Variants in SGCZ observed in about 807,000 individuals in gnomAD.
SGCZ encodes the protein zeta-sarcoglycan.
Under a neutral mutation model 41.3 loss-of-function variants are expected in SGCZ, and 40 were observed. That is an observed-to-expected ratio of 0.97 (90% CI 0.75 to 1.26). The LOEUF is 1.26. Ranked by LOEUF, SGCZ falls within the 50% of genes most tolerant of loss-of-function variation. SGCZ has a pLI of 0.00. For missense variants in SGCZ, 552 were observed against 369.8 expected, an observed-to-expected ratio of 1.49 and a Z score of -4.04; for synonymous variants, 206 against 137.5, an observed-to-expected ratio of 1.50 and a Z score of -3.49.
At chr8:14,410,298 A>G (rs930864222) in intron 2 of SGCZ, among the ~76,000 whole-genome samples, 3 of 152,010 alleles carry the variant, frequency 2.0e-5, no homozygotes, top group Non-Finnish European at 4.4e-5. Context: ...GGACTGCTGA[A>G]TTATAAGACA....
At chr8:14,910,683 G>T (rs952475485) in intron 1 of SGCZ, among the ~76,000 whole-genome samples, 3 of 151,682 alleles carry the variant, frequency 2.0e-5, no homozygotes, top group African/African-American at 4.8e-5. Context: ...ATGAGCTATT[G>T]ATTCTTTTAA....
intron 1 of SGCZ, among the ~76,000 whole-genome samples, chr8:15,074,288 G>GA (rs1805454584): frequency 6.6e-6 from 1 of 151,976 alleles, no homozygotes; most frequent in African/African-American, 2.4e-5. Context: ...CTGGCTCTCC[G>GA]AAAAAAAGTC....
intron 2 of SGCZ, among the ~76,000 whole-genome samples, chr8:14,440,253 T>C (rs987143656): frequency 6.6e-6 from 1 of 152,110 alleles, no homozygotes; most frequent in African/African-American, 2.4e-5. Flanking sequence ...AAGAGCTCTA[T>C]TTGACTTGGG....
At chr8:14,126,370 A>G (rs1246435241) in intron 5 of SGCZ, among the ~76,000 whole-genome samples, 3 of 152,348 alleles carry the variant, frequency 2.0e-5, no homozygotes, top group African/African-American at 7.2e-5. Context: ...CAACAAACAT[A>G]TAACGAAAAA....
intron 2 of SGCZ, among the ~76,000 whole-genome samples, chr8:14,489,980 G>T (rs1400574748): frequency 6.6e-6 from 1 of 151,342 alleles, no homozygotes; most frequent in East Asian, 2.0e-4. Context: ...AGATTCTTGT[G>T]CCTCAGCCTC....
chr8:14,536,133 A>G (rs73192309), intron 2 of SGCZ, among the ~76,000 whole-genome samples: 1 of 152,044 alleles, frequency 6.6e-6, no homozygotes, highest in Non-Finnish European at 1.5e-5. Flanking sequence ...TGTTTAGCAT[A>G]TACATATGAA....
chr8:14,282,421 T>A (rs1800478322), intron 3 of SGCZ, among the ~76,000 whole-genome samples: 1 of 152,146 alleles, frequency 6.6e-6, no homozygotes, highest in Non-Finnish European at 1.5e-5. Flanking sequence ...GCAGTAACTA[T>A]CTCTTGATCC....
rs201881681 is a variant in SGCZ at position 14,674,928 on chromosome 8, GTTTTT to G, written c.40-120007_40-120003del. Among the ~76,000 whole-genome samples, 197 of 71,016 alleles carry G rather than the reference GTTTTT, an allele frequency of 2.8e-3. 12 individuals carry two copies. In the East Asian group the frequency reaches 0.042, roughly 15 times the overall value. 46.6% of individuals were successfully genotyped at this position (71,016 alleles called of 152,430 possible). A position where few individuals can be genotyped will look rare whatever the true frequency, so the allele number is the denominator to read the frequency against. On this transcript the variant is annotated intron_variant, in intron 1 of 7. Transcript: ENST00000382080. ...GCCAATTTAACCTCTTTTCTTTTCT[GTTTTT>G]TTTTTTTTTTTTTTTTTTTTTTTGA...
chr8:14,460,770 G>A (rs1327059711), intron 2 of SGCZ, among the ~76,000 whole-genome samples: 1 of 152,134 alleles, frequency 6.6e-6, no homozygotes, highest in African/African-American at 2.4e-5. Context: ...TAACTTTAGA[G>A]CTAATTGTCA....
At chr8:14,650,194 C>G (rs190460726) in intron 1 of SGCZ, among the ~76,000 whole-genome samples, 1 of 151,940 alleles carries the variant, frequency 6.6e-6, no homozygotes, top group East Asian at 1.9e-4. Context: ...CTGGAGTTAA[C>G]ACTGGATAAC....
At chr8:14,815,222 T>C (rs2130549894) in intron 1 of SGCZ, among the ~76,000 whole-genome samples, 1 of 151,704 alleles carries the variant, frequency 6.6e-6, no homozygotes, top group South Asian at 2.1e-4. Context: ...TTCATTTACT[T>C]GAGTAGATTA....
rs543497869 is a variant in SGCZ at position 14,784,485 on chromosome 8, G to A, written c.40-229559C>T. ...ATCAAATTTGGGTAAAATAGATCTG[G>A]ATCAGCTATAACTCATAATGGTCTC... On this transcript the variant is annotated intron_variant, in intron 1 of 7. Coordinates refer to ENST00000382080, the MANE Select transcript of SGCZ (RefSeq NM_139167.4). Among the ~76,000 whole-genome samples the A allele has an allele frequency of 1.3e-3, 204 of 152,088 alleles. 1 individual carries two copies. The highest frequency in any genetic ancestry group is 2.5e-3 in the Non-Finnish European group (171 of 68,006).
intron 1 of SGCZ, among the ~76,000 whole-genome samples, chr8:14,899,602 G>A (rs948794385): frequency 6.6e-6 from 1 of 152,114 alleles, no homozygotes; most frequent in African/African-American, 2.4e-5. Flanking sequence ...CCCATGCTTG[G>A]AGGCTCCAGG....
intron 2 of SGCZ, among the ~76,000 whole-genome samples, chr8:14,389,714 A>G (rs769925660): frequency 5.3e-5 from 8 of 152,144 alleles, no homozygotes; most frequent in Non-Finnish European, 8.8e-5. Flanking sequence ...GGCAAGAGGA[A>G]ATGAGAATGA....
At chr8:14,980,486 C>T (rs1022027508) in intron 1 of SGCZ, among the ~76,000 whole-genome samples, 5 of 152,138 alleles carry the variant, frequency 3.3e-5, no homozygotes, top group African/African-American at 1.2e-4. Flanking sequence ...CTGATGAAGA[C>T]ATAACCGAGA....
At chr8:15,204,948 C>T (rs528790049) in intron 1 of SGCZ, among the ~76,000 whole-genome samples, 1 of 152,248 alleles carries the variant, frequency 6.6e-6, no homozygotes, top group Admixed American at 6.5e-5. Context: ...GAACTTGGCC[C>T]TGTCTTTAAA....
chr8:15,237,486 C>A, intron 1 of SGCZ, 99 bp downstream of exon 1: 1 of 1,421,248 alleles, frequency 7.0e-7, no homozygotes, highest in Non-Finnish European at 9.7e-7. Flanking sequence ...CCCGCGGGAC[C>A]ACCAACTACT....
At chr8:14,827,984 C>A (rs1268651994) in intron 1 of SGCZ, among the ~76,000 whole-genome samples, 2 of 152,020 alleles carry the variant, frequency 1.3e-5, no homozygotes, top group Non-Finnish European at 2.9e-5. Context: ...TTTTTTGCAC[C>A]AAAATAAACT....
At chr8:14,680,963 G>GAAAAAAAAAAAAAAAAAAAA (rs374278969) in intron 1 of SGCZ, among the ~76,000 whole-genome samples, 35 of 106,164 alleles carry the variant, frequency 3.3e-4, no homozygotes, top group East Asian at 5.1e-4. Flanking sequence ...AAAAAGAGTG[G>GAAAAAAAAAAAAAAAAAAAA]GAAAAAAAAA....
Sources: allele counts gnomAD v4.1 joint callset (sites outside exome capture counted in the v4.1 genomes callset), GRCh38; gene constraint gnomAD v4.1.1; transcripts MANE v1.5; gene names NCBI Gene and HGNC (gene_info 2026-07-23, HGNC 2026-07-21).